Variants in CFAP47 observed in about 807,000 individuals in gnomAD.
CFAP47 encodes cilia- and flagella-associated protein 47.
A neutral mutation model predicts 148.1 loss-of-function variants in CFAP47; 29 were observed. The ratio of observed to expected loss-of-function variants is 0.20; its 90% CI spans 0.15 to 0.27. CFAP47 has a LOEUF of 0.27. Ranked by LOEUF, CFAP47 falls within the 10% of genes least tolerant of loss-of-function variation. The pLI, the probability that CFAP47 is intolerant of heterozygous loss-of-function variation, is 1.00. For synonymous variants in CFAP47, 664 were observed against 577.3 expected (o/e 1.15, Z -2.15); for missense variants, 1,872 against 1,697.5 (o/e 1.10, Z -1.81).
At chrX:36,331,604 G>A (rs1367412115) in intron 57 of CFAP47, among the ~76,000 whole-genome samples, 2 of 111,143 alleles carry the variant, frequency 1.8e-5, no homozygotes, top group African/African-American at 6.5e-5. Flanking sequence ...TCAGTTAATG[G>A]CACCATTATT....
chrX:35,948,953 G>C (rs963062300), intron 4 of CFAP47, among the ~76,000 whole-genome samples: 1 of 110,889 alleles, frequency 9.0e-6, no homozygotes, highest in Non-Finnish European at 1.9e-5. Context: ...GAATTAAAAA[G>C]ATGGAGGTGG....
At chrX:35,924,725 A>G (rs151022437) in intron 1 of CFAP47, among the ~76,000 whole-genome samples, 2,673 of 110,699 alleles carry the variant, frequency 0.024, 89 homozygotes, top group African/African-American at 0.082. Flanking sequence ...AGTATCTTAT[A>G]TTTTTAAAGT....
chrX:36,197,016 A>G (rs782307899), intron 42 of CFAP47, among the ~76,000 whole-genome samples: 2 of 112,017 alleles, frequency 1.8e-5, no homozygotes, highest in African/African-American at 3.2e-5. Context: ...TAATCAAACT[A>G]TAGTAGAGAT....
At chrX:36,104,461 C>T (rs745315565) in intron 32 of CFAP47, 38 bp from the exon 33 acceptor site, 11 of 487,801 alleles carry the variant, frequency 2.3e-5, no homozygotes, top group Middle Eastern at 3.7e-4. Flanking sequence ...GCTATTTTTC[C>T]ATTTGCATCT....
chrX:36,373,734 A>G (rs1941994738), intron 62 of CFAP47, among the ~76,000 whole-genome samples: 1 of 111,774 alleles, frequency 8.9e-6, no homozygotes, highest in Non-Finnish European at 1.9e-5. Context: ...TTTATCATGG[A>G]GAGGAAATTT....
chrX:35,931,217 G>T (rs937393340), intron 2 of CFAP47, among the ~76,000 whole-genome samples: 4 of 110,442 alleles, frequency 3.6e-5, no homozygotes, highest in African/African-American at 1.3e-4. Context: ...GTTTATTATG[G>T]ACATATTTAT....
Position 35,989,342 on chromosome X carries a change from C to T in CFAP47, c.2737C>T (p.Leu913=). The T allele has an allele frequency of 1.7e-6, 2 of 1,206,616 alleles. No homozygotes were observed. Among genetic ancestry groups the T allele is most frequent in the South Asian group, 3.5e-5 (2 of 56,872 alleles). The change falls in exon 16 of 64, where the codon CTG becomes TTG. Residue 913 remains leucine, a synonymous_variant. Coordinates refer to ENST00000378653, the MANE Select transcript of CFAP47 (RefSeq NM_001304548.2). The part of the protein sequence containing the change: ...AKGTVEAYSS[L]ECEVTWQQGF... ...AGGCACTGTTGAAGCATATTCCTCA[C>T]TGGAATGTGAAGTAACTTGGCAGCA...
At chrX:36,093,282 G>A (rs1360272571) in intron 30 of CFAP47, among the ~76,000 whole-genome samples, 1 of 111,232 alleles carries the variant, frequency 9.0e-6, no homozygotes, top group East Asian at 2.8e-4. Context: ...CCAGCAAGGG[G>A]ATTGCTGGAT....
Position 36,228,803 on chromosome X carries a change from C to T in CFAP47, c.6993C>T (p.Ala2331=), listed in dbSNP as rs1569293468. The change falls in exon 46 of 64, where the codon GCC becomes GCT. Residue 2331 remains alanine, a synonymous_variant. Coordinates refer to ENST00000378653, the MANE Select transcript of CFAP47 (RefSeq NM_001304548.2). ...AGTTTGAAACACCAGCATTTGAAGC[C>T]CTTACTCAGAATATTCCAATAGTAT... is the stretch of plus-strand genomic sequence containing the variant. ...KFEFETPAFE[A]LTQNIPIKNQ... is the part of the protein sequence containing the mutation. 2.1e-5 allele frequency: 11 copies of T among 523,642 alleles called. No individual in the cohort carries two copies. The South Asian group carries it at 2.5e-4, about 12-fold the overall frequency. 43.2% of individuals were successfully genotyped at this position (523,642 alleles called of 1,213,427 possible). A position where few individuals can be genotyped will look rare whatever the true frequency, so the allele number is the denominator to read the frequency against.
At chrX:36,292,181 T>G (rs1294324680) in intron 51 of CFAP47, among the ~76,000 whole-genome samples, 3 of 110,967 alleles carry the variant, frequency 2.7e-5, no homozygotes, top group Non-Finnish European at 3.8e-5. Context: ...TTTCAAGTCA[T>G]ATGGTGGAGG....
intron 61 of CFAP47, chrX:36,365,644 C>A (rs1294033527): frequency 1.8e-5 from 2 of 110,038 alleles, no homozygotes; most frequent in Non-Finnish European, 3.8e-5. Context: ...AACCTCCATC[C>A]TCAGGTAGGC....
intron 46 of CFAP47, among the ~76,000 whole-genome samples, chrX:36,235,420 G>A (rs1328508141): frequency 8.9e-6 from 1 of 112,609 alleles, no homozygotes. Flanking sequence ...GACCCTCCGA[G>A]CCAGGTGGGG....
At chrX:36,118,851 T>C (rs890260526) in intron 33 of CFAP47, among the ~76,000 whole-genome samples, 4 of 112,275 alleles carry the variant, frequency 3.6e-5, no homozygotes, top group Non-Finnish European at 7.5e-5. Context: ...ATGATATTAC[T>C]GTTTTTATTT....
At chrX:36,116,810 G>A (rs1938648927) in intron 33 of CFAP47, among the ~76,000 whole-genome samples, 1 of 111,382 alleles carries the variant, frequency 9.0e-6, no homozygotes, top group Non-Finnish European at 1.9e-5. Context: ...TTTGACTATA[G>A]TCACCCTGTT....
intron 60 of CFAP47, among the ~76,000 whole-genome samples, chrX:36,356,249 G>A (rs1479253936): frequency 3.6e-5 from 4 of 111,144 alleles, no homozygotes; most frequent in South Asian, 3.8e-4. Flanking sequence ...ATCTCCACCC[G>A]TCATTCTCTC....
intron 33 of CFAP47, among the ~76,000 whole-genome samples, chrX:36,109,079 G>T (rs1361039230): frequency 9.0e-6 from 1 of 111,189 alleles, no homozygotes; most frequent in African/African-American, 3.3e-5. Flanking sequence ...GTTTGCTAAG[G>T]TTAATGGCCT....
intron 48 of CFAP47, among the ~76,000 whole-genome samples, chrX:36,239,723 C>A (rs1335326507): frequency 1.8e-5 from 2 of 111,455 alleles, no homozygotes; most frequent in Non-Finnish European, 3.8e-5. Context: ...ATATAAGATG[C>A]CCTTAGGGGA....
At chrX:36,006,997 C>T (rs1385979009) in intron 21 of CFAP47, among the ~76,000 whole-genome samples, 2 of 111,981 alleles carry the variant, frequency 1.8e-5, no homozygotes, top group Non-Finnish European at 3.8e-5. Context: ...TTTCACTGGA[C>T]AGCACTAGTA....
intron 8 of CFAP47, among the ~76,000 whole-genome samples, chrX:35,962,229 T>C (rs1448759995): frequency 8.9e-6 from 1 of 112,094 alleles, no homozygotes; most frequent in Non-Finnish European, 1.9e-5. Flanking sequence ...TTTCACAGAC[T>C]AACATAGTCT....
Sources: gnomAD v4.1 joint callset for allele counts (sites outside exome capture counted in the v4.1 genomes callset) on GRCh38, gnomAD v4.1.1 for gene constraint, MANE v1.5 for transcripts, NCBI Gene and HGNC (gene_info 2026-07-23, HGNC 2026-07-21) for gene names.